Variants in DLC1 observed in about 807,000 individuals in gnomAD.
DLC1 encodes the protein rho GTPase-activating protein 7.
Under a neutral mutation model 140.3 loss-of-function variants are expected in DLC1, and 54 were observed. The ratio of observed to expected loss-of-function variants is 0.38; its 90% CI spans 0.31 to 0.48. DLC1 has a LOEUF of 0.48. Ranked by LOEUF, DLC1 falls within the 20% of genes least tolerant of loss-of-function variation. The pLI is 0.96. For synonymous variants in DLC1, 986 were observed against 728.1 expected (o/e 1.35, Z -5.70); for missense variants, 2,536 against 1,907.0 (o/e 1.33, Z -6.14).
intron 2 of DLC1, among the ~76,000 whole-genome samples, chr8:13,410,010 G>A (rs79663774): frequency 2.0e-5 from 3 of 152,110 alleles, no homozygotes; most frequent in African/African-American, 4.8e-5. Flanking sequence ...ATGAAAATTA[G>A]GGTGACAGGA....
At chr8:13,195,269 G>A (rs1355632071) in intron 5 of DLC1, among the ~76,000 whole-genome samples, 1 of 118,970 alleles carries the variant, frequency 8.4e-6, no homozygotes, top group Non-Finnish European at 1.8e-5. Context: ...TGGGATATCT[G>A]TTGAACTTGA....
At chr8:13,584,546 G>A (rs978010403) in intron 1 of DLC1, 1 of 152,072 alleles carries the variant, frequency 6.6e-6, no homozygotes, top group Non-Finnish European at 1.5e-5. Context: ...AGACATTCTG[G>A]GATATGTACC....
intron 4 of DLC1, among the ~76,000 whole-genome samples, chr8:13,311,525 G>C (rs181388704): frequency 6.6e-6 from 1 of 152,168 alleles, no homozygotes; most frequent in East Asian, 1.9e-4. Context: ...TCTGAGAAAC[G>C]TCATTGATGC....
At chr8:13,469,419 C>A (rs1200873917) in intron 2 of DLC1, among the ~76,000 whole-genome samples, 1 of 152,136 alleles carries the variant, frequency 6.6e-6, no homozygotes, top group Non-Finnish European at 1.5e-5. Context: ...ATAGCTGTAA[C>A]TGAATTGCTC....
chr8:13,184,620 T>C (rs2064550941), intron 5 of DLC1, among the ~76,000 whole-genome samples: 1 of 152,198 alleles, frequency 6.6e-6, no homozygotes. Flanking sequence ...TGAGTTAGTT[T>C]TGTAATCCTG....
chr8:13,317,923 C>A (rs903453356), intron 4 of DLC1, among the ~76,000 whole-genome samples: 2 of 152,140 alleles, frequency 1.3e-5, no homozygotes, highest in Non-Finnish European at 2.9e-5. Flanking sequence ...GGGGAATAGG[C>A]AACACTTACT....
At chr8:13,423,584 A>G (rs948411685) in intron 2 of DLC1, among the ~76,000 whole-genome samples, 1 of 152,178 alleles carries the variant, frequency 6.6e-6, no homozygotes, top group African/African-American at 2.4e-5. Context: ...AAGGAGTATT[A>G]ATACTATGAT....
intron 5 of DLC1, among the ~76,000 whole-genome samples, chr8:13,143,112 A>G (rs886227904): frequency 6.6e-6 from 1 of 152,200 alleles, no homozygotes; most frequent in Non-Finnish European, 1.5e-5. Flanking sequence ...TGCAAGCCCA[A>G]TAAAAACGTT....
intron 10 of DLC1, 73 bp from the exon 11 acceptor site, chr8:13,095,318 G>T: frequency 6.3e-7 from 1 of 1,583,964 alleles, no homozygotes; most frequent in Non-Finnish European, 8.6e-7. Flanking sequence ...GTCCAATTCT[G>T]CAGGCAAACC....
At chr8:13,443,914 A>G (rs1798660504) in intron 2 of DLC1, among the ~76,000 whole-genome samples, 1 of 152,144 alleles carries the variant, frequency 6.6e-6, no homozygotes, top group South Asian at 2.1e-4. Flanking sequence ...TCCAGGATTT[A>G]CTGACATTAT....
intron 5 of DLC1, among the ~76,000 whole-genome samples, chr8:13,120,765 C>G (rs1820995303): frequency 6.6e-6 from 1 of 152,118 alleles, no homozygotes; most frequent in Admixed American, 6.5e-5. Flanking sequence ...CAGTTCTGGA[C>G]ATTAGATGGA....
intron 2 of DLC1, among the ~76,000 whole-genome samples, chr8:13,471,258 T>G (rs1421777926): frequency 3.3e-5 from 5 of 151,490 alleles, no homozygotes; most frequent in Non-Finnish European, 7.4e-5. Context: ...TTAACGATAC[T>G]GAATTGTATA....
At chr8:13,383,159 C>G (rs1196187727) in intron 4 of DLC1, among the ~76,000 whole-genome samples, 1 of 152,192 alleles carries the variant, frequency 6.6e-6, no homozygotes, top group Non-Finnish European at 1.5e-5. Context: ...GGGCACATCT[C>G]ACAGGAAGGA....
At chr8:13,188,003 A>G (rs1006116349) in intron 5 of DLC1, among the ~76,000 whole-genome samples, 8 of 151,972 alleles carry the variant, frequency 5.3e-5, no homozygotes, top group African/African-American at 1.5e-4. Context: ...GTAAAAATAG[A>G]ATAGTTGCTT....
chr8:13,464,748 ATATATATATATATATATT>A (rs1275279296), intron 2 of DLC1, among the ~76,000 whole-genome samples: 1,645 of 61,856 alleles, frequency 0.027, 12 homozygotes, highest in African/African-American at 0.048. Flanking sequence ...ATTTTAAATT[ATATATATATATATATATT>A]TATATATATA....
chr8:13,402,731 G>A (rs1479205423), intron 2 of DLC1, among the ~76,000 whole-genome samples: 2 of 152,188 alleles, frequency 1.3e-5, no homozygotes, highest in African/African-American at 4.8e-5. Context: ...ATGGTTCGTT[G>A]TGAGATGAAA....
intron 1 of DLC1, among the ~76,000 whole-genome samples, chr8:13,580,347 G>T (rs962459321): frequency 1.6e-4 from 24 of 152,026 alleles, no homozygotes; most frequent in Middle Eastern, 3.2e-3. Context: ...GGCCTCGATC[G>T]CCTGACCTCG....
intron 5 of DLC1, chr8:13,304,674 AT>A: frequency 1.1e-6 from 1 of 949,414 alleles, no homozygotes; most frequent in South Asian, 4.9e-5. Context: ...AGATAGTATG[AT>A]TTTTTAAAAA....
At chr8:13,588,214 G>A (rs933446905) in intron 1 of DLC1, among the ~76,000 whole-genome samples, 4 of 151,870 alleles carry the variant, frequency 2.6e-5, no homozygotes, top group East Asian at 3.9e-4. Context: ...AAAAGAATGG[G>A]GTTAAAAAAA....
Sources: gnomAD v4.1 joint callset for allele counts (sites outside exome capture counted in the v4.1 genomes callset) on GRCh38, gnomAD v4.1.1 for gene constraint, MANE v1.5 for transcripts, NCBI Gene and HGNC (gene_info 2026-07-23, HGNC 2026-07-21) for gene names.